MKNK1: variants seen among roughly 807,000 people sequenced by gnomAD.
MKNK1 encodes the protein MAPK interacting serine/threonine kinase 1.
Under a neutral mutation model 49.3 loss-of-function variants are expected in MKNK1, and 30 were observed. The observed-to-expected ratio is 0.61, with a 90% CI of 0.46 to 0.83. The LOEUF is 0.83. Ranked by LOEUF, MKNK1 falls within the 40% of genes least tolerant of loss-of-function variation. MKNK1 has a pLI of 0.00. For missense variants in MKNK1, 423 were observed against 524.7 expected (o/e 0.81, Z 1.89); for synonymous variants, 176 against 201.7 (o/e 0.87, Z 1.08).
chr1:46,572,574 T>C (rs1670360182), intron 6 of MKNK1, among the ~76,000 whole-genome samples: 1 of 152,032 alleles, frequency 6.6e-6, no homozygotes, highest in Non-Finnish European at 1.5e-5. Flanking sequence ...GGTGGGGACA[T>C]AGGGATTCAT....
intron 4 of MKNK1, among the ~76,000 whole-genome samples, chr1:46,578,374 A>T (rs1317228602): frequency 6.6e-6 from 1 of 152,100 alleles, no homozygotes; most frequent in Non-Finnish European, 1.5e-5. Flanking sequence ...TAGGGGAGAG[A>T]AGAAACATGG....
chr1:46,599,954 G>A (rs990286195), intron 1 of MKNK1, among the ~76,000 whole-genome samples: 3 of 141,044 alleles, frequency 2.1e-5, no homozygotes, highest in East Asian at 2.1e-4. Context: ...CTGCCAATTC[G>A]GCTTACTTCT....
chr1:46,571,918 C>T (rs979013675), intron 7 of MKNK1, 145 bp downstream of exon 7: 6 of 691,820 alleles, frequency 8.7e-6, no homozygotes, highest in Non-Finnish European at 1.5e-5. Flanking sequence ...TCTCCCTCAA[C>T]TCCCATGGGT....
chr1:46,573,152 C>G (rs1286386578), intron 6 of MKNK1, among the ~76,000 whole-genome samples: 4 of 152,124 alleles, frequency 2.6e-5, no homozygotes, highest in Admixed American at 6.6e-5. Context: ...AGCAACTTGC[C>G]CAAGATTACG....
In MKNK1 at chr1:46,603,704, G is replaced by C. The variant is rs367897182; in HGVS notation, c.-171+481C>G. ...TGATCTGCCACTGTCAGGGAGCTTGGAGCTCTCTAGAAGACAGGGTGCACC... is the reference window on the plus strand; with the variant it reads ...TGATCTGCCACTGTCAGGGAGCTTGCAGCTCTCTAGAAGACAGGGTGCACC... On this transcript the variant is annotated intron_variant, in intron 1 of 12. Coordinates refer to ENST00000371945, the MANE Select transcript of MKNK1 (RefSeq NM_001135553.4). Among the ~76,000 whole-genome samples, 118 of 152,308 alleles carry C rather than the reference G, an allele frequency of 7.7e-4. 1 individual carries two copies. In the South Asian group the frequency reaches 0.022, roughly 29 times the overall value.
At chr1:46,585,865 A>G in intron 2 of MKNK1, 1 of 1,302,246 alleles carries the variant, frequency 7.7e-7, no homozygotes, top group Non-Finnish European at 1.0e-6. Flanking sequence ...ACACACAAAG[A>G]CAGAGTACCT....
At chr1:46,571,951 G>A in intron 7 of MKNK1, 112 bp downstream of exon 7, 1 of 927,070 alleles carries the variant, frequency 1.1e-6, no homozygotes, top group Admixed American at 2.1e-5. Flanking sequence ...ACCTCAAGCT[G>A]CCTTCCAGCC....
Position 46,568,446 on chromosome 1 carries a change from T to C in MKNK1, c.510A>G (p.Glu170=), listed in dbSNP as rs1469494709. 2 of 1,614,070 alleles carry C rather than the reference T, an allele frequency of 1.2e-6. No individual in the cohort carries two copies. The highest frequency in any genetic ancestry group is 4.5e-5 in the East Asian group (2 of 44,872). Residue 170 remains glutamate (E), a synonymous_variant, in exon 8 of 13, where the codon GAA becomes GAG. Transcript: ENST00000371945. ...KPENILCESP[E]KVSPVKICDF... is the part of the protein sequence containing the mutation. Reference sequence around the variant, plus strand: ...TTCCAAATCAGGCCCAAAGTACCTTTTCTGGAGATTCACACAATATATTTT... The same window carrying C: ...TTCCAAATCAGGCCCAAAGTACCTTCTCTGGAGATTCACACAATATATTTT...
chr1:46,581,941 T>G (rs946744540), intron 3 of MKNK1, among the ~76,000 whole-genome samples: 2 of 152,058 alleles, frequency 1.3e-5, no homozygotes, highest in African/African-American at 4.8e-5. Context: ...TCATCCCCAC[T>G]CGGCCTCCAT....
chr1:46,561,336 T>C, intron 11 of MKNK1, 142 bp downstream of exon 11: 1 of 915,720 alleles, frequency 1.1e-6, no homozygotes, highest in African/African-American at 1.7e-5. Flanking sequence ...CGATTCACTC[T>C]ACACACTCAG....
Position 46,561,572 on chromosome 1 carries a change from C to T in MKNK1, c.875G>A (p.Ser292Asn), listed in dbSNP as rs748782850. 1.3e-5 allele frequency: 21 copies of T among 1,614,114 alleles called. No homozygotes were observed. The highest frequency in any genetic ancestry group is 1.2e-5 in the Non-Finnish European group (14 of 1,180,044). ...CTTGGAGATGAGGTCTTTGGCTTCACTGGAGATGTGTGCCCAGTCCTTGTC... is the reference window on the plus strand; with the variant it reads ...CTTGGAGATGAGGTCTTTGGCTTCATTGGAGATGTGTGCCCAGTCCTTGTC... The part of the protein sequence containing the change: ...FPDKDWAHIS[S>N]EAKDLISKLL... Residue 292 changes from serine to asparagine, a missense_variant, in exon 11 of 13, where the codon AGT becomes AAT. Coordinates refer to ENST00000371945, the MANE Select transcript of MKNK1 (RefSeq NM_001135553.4).
At chr1:46,586,061 C>T (rs1278761406) in intron 2 of MKNK1, 6 of 528,658 alleles carry the variant, frequency 1.1e-5, no homozygotes, top group Non-Finnish European at 2.0e-5. Flanking sequence ...CGAGAGGTGT[C>T]ATAATCTCAC....
intron 4 of MKNK1, among the ~76,000 whole-genome samples, chr1:46,579,167 C>T (rs142424483): frequency 1.1e-3 from 166 of 152,324 alleles, no homozygotes; most frequent in African/African-American, 3.5e-3. Context: ...AGCAATACTC[C>T]AGCTGAAAGG....
chr1:46,595,150 A>G (rs1433907040), intron 1 of MKNK1: 1 of 155,400 alleles, frequency 6.4e-6, no homozygotes, highest in Non-Finnish European at 1.5e-5. Flanking sequence ...AATTATTGCT[A>G]GTTTTCAATC....
intron 1 of MKNK1, among the ~76,000 whole-genome samples, chr1:46,602,578 G>C (rs1352277483): frequency 1.3e-5 from 2 of 152,222 alleles, no homozygotes; most frequent in Non-Finnish European, 2.9e-5. Flanking sequence ...CCAACCCGCG[G>C]CCCTGGATGG....
chr1:46,558,837 G>A (rs1667419245), intron 12 of MKNK1, 37 bp from the exon 13 acceptor site: 1 of 1,575,304 alleles, frequency 6.3e-7, no homozygotes, highest in Non-Finnish European at 8.7e-7. Flanking sequence ...AAGAGGGTCA[G>A]GACTCTAGGG....
At chr1:46,585,800 A>C in intron 2 of MKNK1, 5 of 774,342 alleles carry the variant, frequency 6.5e-6, no homozygotes, top group Non-Finnish European at 1.0e-5. Flanking sequence ...CTTGCACGAG[A>C]AGCATACCTC....
intron 4 of MKNK1, 37 bp downstream of exon 4, chr1:46,580,493 T>A: frequency 1.4e-6 from 2 of 1,396,686 alleles, no homozygotes; most frequent in Non-Finnish European, 2.0e-6. Flanking sequence ...AATGACTATT[T>A]GCAAAGTAAA....
In MKNK1 at chr1:46,562,395, CAAAAAAAAAAAAA is replaced by C. The variant is rs66491559; in HGVS notation, c.804+241_804+253del. Among the ~76,000 whole-genome samples the C allele has an allele frequency of 0.017, 580 of 34,440 alleles. 7 individuals carry two copies. The Middle Eastern group carries it at 0.24, about 14-fold the overall frequency. 22.6% of individuals were successfully genotyped at this position (34,440 alleles called of 152,430 possible). The stretch of plus-strand genomic sequence containing the variant: ...TGGGCGACAGAGAGAGACTCCATCT[CAAAAAAAAAAAAA>C]AAAAAAAAAAAAGAGTCAGTTCAGG... On this transcript the variant is annotated intron_variant, in intron 10 of 12. Coordinates refer to ENST00000371945, the MANE Select transcript of MKNK1 (RefSeq NM_001135553.4).
Sources: allele counts gnomAD v4.1 joint callset (sites outside exome capture counted in the v4.1 genomes callset), GRCh38; gene constraint gnomAD v4.1.1; transcripts MANE v1.5; gene names NCBI Gene and HGNC (gene_info 2026-07-23, HGNC 2026-07-21).